EYA1: variants seen among roughly 807,000 people sequenced by gnomAD.
The protein encoded by EYA1 is EYA transcriptional coactivator and phosphatase 1.
In EYA1, 16 loss-of-function variants were observed where a neutral mutation model predicts 82.0. That is an observed-to-expected ratio of 0.20 (90% CI 0.13 to 0.30). The LOEUF is 0.30. Ranked by LOEUF, EYA1 falls within the 10% of genes least tolerant of loss-of-function variation. The pLI is 1.00. For synonymous variants in EYA1, 261 were observed against 264.4 expected, an observed-to-expected ratio of 0.99 and a Z score of 0.12; for missense variants, 633 against 730.7, an observed-to-expected ratio of 0.87 and a Z score of 1.54.
intron 2 of EYA1, among the ~76,000 whole-genome samples, chr8:71,455,237 G>C (rs1045731539): frequency 7.9e-5 from 12 of 152,042 alleles, no homozygotes; most frequent in African/African-American, 2.9e-4. Flanking sequence ...AGACCAATAA[G>C]AGGTTCTTAA....
At chr8:71,541,110 A>G (rs2129291413) in intron 1 of EYA1, among the ~76,000 whole-genome samples, 1 of 152,310 alleles carries the variant, frequency 6.6e-6, no homozygotes, top group African/African-American at 2.4e-5. Flanking sequence ...GAATTTGGTT[A>G]TATCAAAGAA....
Position 71,361,986 on chromosome 8 carries a change from A to G in EYA1, c.-394T>C. Reference sequence around the variant, plus strand: ...TCTACCTCGCCCCAAACTCGGAGCCATCAGCTCCCACCGTTCTGTTTGGTA... The same window carrying G: ...TCTACCTCGCCCCAAACTCGGAGCCGTCAGCTCCCACCGTTCTGTTTGGTA... On this transcript the variant is annotated 5_prime_UTR_variant, in exon 1 of 18. The change abolishes an upstream ATG in the 5' untranslated region. Coordinates refer to ENST00000340726, the MANE Select transcript of EYA1 (RefSeq NM_000503.6). 1 of 985,302 alleles carries G rather than the reference A, an allele frequency of 1.0e-6. No individual in the cohort carries two copies. The highest frequency in any genetic ancestry group is 1.7e-5 in the African/African-American group (1 of 57,312). The allele number at this position is 985,302 out of a possible 1,614,324, so 61.0% of individuals were successfully genotyped here. A position where few individuals can be genotyped will look rare whatever the true frequency, so the allele number is the denominator to read the frequency against.
intron 4 of EYA1, among the ~76,000 whole-genome samples, chr8:71,327,656 C>T (rs1256121481): frequency 1.3e-5 from 2 of 152,092 alleles, no homozygotes; most frequent in Admixed American, 1.3e-4. Context: ...TCACTCTCCC[C>T]ACGCCAAGAT....
intron 2 of EYA1, among the ~76,000 whole-genome samples, chr8:71,506,833 T>C (rs1812228114): frequency 1.3e-5 from 2 of 151,934 alleles, no homozygotes; most frequent in African/African-American, 2.4e-5. Context: ...TAAATTCAAC[T>C]AAATGTCTAA....
At chr8:71,330,591 T>C (rs1207878680) in intron 4 of EYA1, among the ~76,000 whole-genome samples, 1 of 152,204 alleles carries the variant, frequency 6.6e-6, no homozygotes, top group African/African-American at 2.4e-5. Context: ...ATTCATTCAA[T>C]AAACTTTAGG....
chr8:71,258,016 TG>T (rs1378599955), intron 11 of EYA1, among the ~76,000 whole-genome samples: 1 of 152,186 alleles, frequency 6.6e-6, no homozygotes, highest in Admixed American at 6.5e-5. Flanking sequence ...CAGAGAGACT[TG>T]TTGCCTTCTT....
intron 12 of EYA1, among the ~76,000 whole-genome samples, chr8:71,233,563 CAAAA>C (rs767423332): frequency 4.6e-5 from 3 of 64,666 alleles, no homozygotes; most frequent in Non-Finnish European, 3.3e-5. Flanking sequence ...GACTCCGTCT[CAAAA>C]AAAAAAAAAA....
intron 11 of EYA1, among the ~76,000 whole-genome samples, chr8:71,264,103 G>A (rs1815477473): frequency 6.6e-6 from 1 of 152,126 alleles, no homozygotes; most frequent in African/African-American, 2.4e-5. Flanking sequence ...CCTTGGACTG[G>A]AGGTTCCAAA....
At chr8:71,222,793 G>A (rs760811834) in intron 12 of EYA1, among the ~76,000 whole-genome samples, 36 of 152,208 alleles carry the variant, frequency 2.4e-4, no homozygotes, top group Non-Finnish European at 3.1e-4. Context: ...TCAACTCGCC[G>A]TTTCTTCCCA....
chr8:71,426,297 A>C (rs1805223655), intron 2 of EYA1, among the ~76,000 whole-genome samples: 2 of 152,228 alleles, frequency 1.3e-5, no homozygotes, highest in African/African-American at 4.8e-5. Context: ...TTCCATGTGA[A>C]GTACCCTGGA....
At chr8:71,527,449 CAG>C (rs749705251) in intron 2 of EYA1, among the ~76,000 whole-genome samples, 25 of 152,070 alleles carry the variant, frequency 1.6e-4, no homozygotes, top group Non-Finnish European at 8.8e-5. Flanking sequence ...AAATGAGGCC[CAG>C]AGAGAGAGTA....
At chr8:71,261,970 C>G (rs1012156967) in intron 11 of EYA1, among the ~76,000 whole-genome samples, 4 of 152,214 alleles carry the variant, frequency 2.6e-5, no homozygotes, top group Admixed American at 6.5e-5. Flanking sequence ...ATGTACACTT[C>G]CAGCATGTCC....
At chr8:71,322,037 A>T in intron 5 of EYA1, 158 bp from the exon 6 acceptor site, 1 of 1,108,392 alleles carries the variant, frequency 9.0e-7, no homozygotes, top group Non-Finnish European at 1.4e-6. Flanking sequence ...CAGTGTCTCC[A>T]CTACATGATG....
chr8:71,441,850 C>A (rs146979220), intron 2 of EYA1, among the ~76,000 whole-genome samples: 445 of 152,134 alleles, frequency 2.9e-3, no homozygotes, highest in Non-Finnish European at 4.8e-3. Context: ...GAGGTCAGGG[C>A]CCTCATTATG....
chr8:71,306,621 G>A (rs1820769613), intron 7 of EYA1, among the ~76,000 whole-genome samples: 1 of 152,070 alleles, frequency 6.6e-6, no homozygotes, highest in South Asian at 2.1e-4. Context: ...TGTGATCACT[G>A]CTATATCGGA....
At chr8:71,261,485 A>C (rs1252620812) in intron 11 of EYA1, among the ~76,000 whole-genome samples, 2 of 152,004 alleles carry the variant, frequency 1.3e-5, no homozygotes, top group East Asian at 3.9e-4. Flanking sequence ...CACCCCCAAA[A>C]CCCTCAAACT....
chr8:71,240,099 G>T (rs1018495140), intron 12 of EYA1, among the ~76,000 whole-genome samples: 9 of 152,204 alleles, frequency 5.9e-5, no homozygotes, highest in African/African-American at 1.7e-4. Flanking sequence ...CAACTTTAAA[G>T]ACTGAATTAA....
intron 2 of EYA1, among the ~76,000 whole-genome samples, chr8:71,490,344 T>G (rs1000695847): frequency 3.9e-5 from 6 of 152,222 alleles, no homozygotes; most frequent in Non-Finnish European, 8.8e-5. Context: ...CTTGATTTGC[T>G]TAATTAAGTA....
At chr8:71,383,965 G>T (rs1397193974) in intron 2 of EYA1, among the ~76,000 whole-genome samples, 2 of 151,742 alleles carry the variant, frequency 1.3e-5, no homozygotes, top group African/African-American at 4.8e-5. Context: ...AAAATTTACA[G>T]TGAAGTAATA....
Sources: gnomAD v4.1 joint callset for allele counts (sites outside exome capture counted in the v4.1 genomes callset) on GRCh38, gnomAD v4.1.1 for gene constraint, MANE v1.5 for transcripts, NCBI Gene and HGNC (gene_info 2026-07-23, HGNC 2026-07-21) for gene names.